The following CCM2L variants were observed in gnomAD, a reference collection of about 807,000 sequenced individuals.
The protein encoded by CCM2L is cerebral cavernous malformations 2 protein-like.
CCM2L carries 36 observed loss-of-function variants against 54.1 expected under a neutral mutation model. That is an observed-to-expected ratio of 0.67 (90% CI 0.51 to 0.88). The LOEUF (loss-of-function observed/expected upper bound fraction) is 0.88, where lower values mean the gene tolerates loss of function less well. Among genes scored for constraint, CCM2L ranks in the 40% least tolerant of loss-of-function variants. CCM2L has a pLI of 0.00. For synonymous variants in CCM2L, 351 were observed against 359.3 expected (o/e 0.98, Z 0.26); for missense variants, 700 against 812.1 (o/e 0.86, Z 1.68).
At chr20:32,019,529 C>T (rs1352336999) in intron 5 of CCM2L, 120 bp downstream of exon 5, 5 of 644,772 alleles carry the variant, frequency 7.8e-6, no homozygotes, top group African/African-American at 3.9e-5. Context: ...TCTCCCTGCA[C>T]CTGCCCCACC....
chr20:32,019,535 C>A, intron 5 of CCM2L, 126 bp downstream of exon 5: 1 of 622,912 alleles, frequency 1.6e-6, no homozygotes, highest in African/African-American at 1.9e-5. Context: ...TGCACCTGCC[C>A]CACCTAATGG....
chr20:32,031,034 G>T lies in CCM2L; in HGVS notation c.1436G>T (p.Gly479Val), dbSNP rs45565933. 7.7e-7 allele frequency: 1 copy of T among 1,304,138 alleles called. No homozygotes were observed. The allele number at this position is 1,304,138 out of a possible 1,614,324, so 80.8% of individuals were successfully genotyped here. ...CCCTTCATCCCGGACCAGGACATCG[G>T]CTACTTCGAGGGCTTCCTGGAGGGC... ...MRPFIPDQDI[G>V]YFEGFLEGVG... Residue 479 changes from glycine (G) to valine (V), a missense_variant, in exon 10 of 10, where the codon GGC (glycine) becomes GTC (valine). Transcript: ENST00000452892.
At chr20:32,030,835 C>A in intron 9 of CCM2L, 166 bp from the exon 10 acceptor site, 1 of 389,654 alleles carries the variant, frequency 2.6e-6, no homozygotes, top group Non-Finnish European at 4.7e-6. Context: ...GTGTGCTGAG[C>A]GCTGTGTCGT....
rs745325158 is a variant in CCM2L, at chr20:32,022,795, A to G, written c.1069A>G (p.Ser357Gly). Residue 357 changes from serine to glycine, a missense_variant and splice_region_variant, in exon 6 of 10, where the codon AGT becomes GGT. Coordinates refer to ENST00000452892, the MANE Select transcript of CCM2L (RefSeq NM_001365692.1). ...TPERPWLCSR[S>G]ESCHTDGTYA... ...TGAACGGCCATGGCTCTGCAGCCGC[A>G]GTGAGTACCAGAACTCCTGGCCTCC... 6.8e-6 allele frequency: 11 copies of G among 1,612,584 alleles called. No homozygotes were observed. The Admixed American group carries it at 8.3e-5, about 12-fold the overall frequency.
chr20:32,017,165 TTGAG>T (rs1192459318), intron 2 of CCM2L, among the ~76,000 whole-genome samples: 1 of 152,158 alleles, frequency 6.6e-6, no homozygotes, highest in Non-Finnish European at 1.5e-5. Flanking sequence ...AACTATTATA[TTGAG>T]TAACATTTAA....
rs373772033 is a variant in CCM2L, at chr20:32,025,049, CT to C, written c.1070-804del. On this transcript the variant is annotated intron_variant, in intron 6 of 9. Transcript: ENST00000452892. ...TTCCCCTTCACAAGTTTCTTCCTCT[CT>C]TTCTTCTTCTTTCTTTCTTTCTTTC... Among the ~76,000 whole-genome samples, 135 of 128,584 alleles carry C rather than the reference CT, an allele frequency of 1.0e-3. 1 individual carries two copies. The highest frequency in any genetic ancestry group is 1.4e-3 in the Non-Finnish European group (82 of 57,904). 84.4% of individuals were successfully genotyped at this position (128,584 alleles called of 152,430 possible).
intron 7 of CCM2L, chr20:32,028,158 C>T (rs1016010260): frequency 2.0e-5 from 3 of 152,166 alleles, no homozygotes; most frequent in African/African-American, 7.2e-5. Flanking sequence ...CCTGAACTAA[C>T]CAGGCGTGGT....
At chr20:32,014,832 TA>T in intron 1 of CCM2L, 71 bp from the exon 2 acceptor site, 1 of 1,403,164 alleles carries the variant, frequency 7.1e-7, no homozygotes, top group Admixed American at 2.4e-5. Context: ...GTAATGTAAG[TA>T]AAAGTGAGCA....
rs73104609 is a variant in CCM2L at position 32,022,005 on chromosome 20, A to G, written c.934-655A>G. Among the ~76,000 whole-genome samples, 626 of 152,278 alleles carry G rather than the reference A, an allele frequency of 4.1e-3. 1 individual carries two copies. The highest frequency in any genetic ancestry group is 7.1e-3 in the Non-Finnish European group (483 of 68,014). ...CTTTTTACAGACACAACATAGAGAA[A>G]AGGTTCATGAAGACAGTGTCTTCAT... On this transcript the variant is annotated intron_variant, in intron 5 of 9. Coordinates refer to ENST00000452892, the MANE Select transcript of CCM2L (RefSeq NM_001365692.1).
At chr20:32,016,989 A>C (rs2064746352) in intron 2 of CCM2L, among the ~76,000 whole-genome samples, 1 of 152,018 alleles carries the variant, frequency 6.6e-6, no homozygotes, top group South Asian at 2.1e-4. Flanking sequence ...CTCTACTAAA[A>C]ATACAAAAAT....
intron 2 of CCM2L, among the ~76,000 whole-genome samples, chr20:32,017,392 G>A (rs2064749328): frequency 6.6e-6 from 1 of 152,138 alleles, no homozygotes; most frequent in Admixed American, 6.6e-5. Context: ...ATTTACAGGT[G>A]GTCAGTTCTT....
chr20:32,030,862 C>A, intron 9 of CCM2L, 139 bp from the exon 10 acceptor site: 1 of 563,576 alleles, frequency 1.8e-6, no homozygotes, highest in Non-Finnish European at 2.7e-6. Flanking sequence ...CTGGCTCAGA[C>A]AGTTAAGGAC....
At chr20:32,021,191 C>T (rs1372713360) in intron 5 of CCM2L, among the ~76,000 whole-genome samples, 1 of 152,158 alleles carries the variant, frequency 6.6e-6, no homozygotes, top group Non-Finnish European at 1.5e-5. Flanking sequence ...CCATTTCACT[C>T]CAAGTAAAAG....
At chr20:32,028,833 G>A in intron 7 of CCM2L, 162 bp from the exon 8 acceptor site, 1 of 856,924 alleles carries the variant, frequency 1.2e-6, no homozygotes, top group Non-Finnish European at 1.8e-6. Context: ...AAAGGCAAAG[G>A]CAAGCACAGT....
chr20:32,030,385 TAAAAC>T (rs2064909873), intron 9 of CCM2L, among the ~76,000 whole-genome samples: 1 of 152,120 alleles, frequency 6.6e-6, no homozygotes, highest in South Asian at 2.1e-4. Context: ...GGAATGGAAA[TAAAAC>T]AAACTGTTTA....
At chr20:32,018,294 G>C (rs1431638089) in intron 4 of CCM2L, 132 bp downstream of exon 4, 3 of 725,288 alleles carry the variant, frequency 4.1e-6, no homozygotes, top group Non-Finnish European at 6.3e-6. Flanking sequence ...ACCTGCGGCG[G>C]GGGCAGAGGA....
intron 2 of CCM2L, among the ~76,000 whole-genome samples, chr20:32,015,595 AAT>A (rs1179422539): frequency 6.6e-6 from 1 of 152,202 alleles, no homozygotes; most frequent in Admixed American, 6.5e-5. Context: ...TCCTTGCAGG[AAT>A]ATGTGTGTGT....
At chr20:32,024,803 G>C (rs2064838710) in intron 6 of CCM2L, among the ~76,000 whole-genome samples, 1 of 152,184 alleles carries the variant, frequency 6.6e-6, no homozygotes, top group Non-Finnish European at 1.5e-5. Context: ...CTCCAGCCTG[G>C]GCGACAACAG....
intron 4 of CCM2L, among the ~76,000 whole-genome samples, 182 bp from the exon 5 acceptor site, chr20:32,018,761 G>A (rs930722162): frequency 1.3e-5 from 2 of 152,212 alleles, no homozygotes; most frequent in African/African-American, 2.4e-5. Context: ...GACTGAGGCC[G>A]GGGGCGGGCC....
Sources: gnomAD v4.1 joint callset for allele counts (sites outside exome capture counted in the v4.1 genomes callset) on GRCh38, gnomAD v4.1.1 for gene constraint, MANE v1.5 for transcripts, NCBI Gene and HGNC (gene_info 2026-07-23, HGNC 2026-07-21) for gene names.